The following CFAP251 variants were observed in gnomAD, a reference collection of about 807,000 sequenced individuals.
CFAP251 encodes the protein cilia and flagella associated protein 251, also known as cilia- and flagella-associated protein 251.
A neutral mutation model predicts 126.7 loss-of-function variants in CFAP251; 93 were observed. That is an observed-to-expected ratio of 0.73 (90% CI 0.62 to 0.87). The LOEUF (loss-of-function observed/expected upper bound fraction) is 0.87. CFAP251 is among the 40% of genes least tolerant of loss of function. The pLI is 0.00. For missense variants in CFAP251, 1,287 were observed against 1,389.2 expected (o/e 0.93, Z 1.17); for synonymous variants, 503 against 506.9 (o/e 0.99, Z 0.10).
chr12:121,965,596 G>A (rs1882092968), intron 15 of CFAP251, among the ~76,000 whole-genome samples: 1 of 151,974 alleles, frequency 6.6e-6, no homozygotes, highest in Non-Finnish European at 1.5e-5. Context: ...GAAAAAAAAA[G>A]GAAGAGTAAG....
chr12:121,925,862 T>C (rs939394238), intron 3 of CFAP251, among the ~76,000 whole-genome samples: 1 of 152,098 alleles, frequency 6.6e-6, no homozygotes, highest in African/African-American at 2.4e-5. Flanking sequence ...ATTTATTTTT[T>C]GAGGTGGAGT....
At chr12:121,928,704 A>ATATATTT in intron 3 of CFAP251, among the ~76,000 whole-genome samples, 1 of 60,350 alleles carries the variant, frequency 1.7e-5, no homozygotes, top group African/African-American at 4.0e-5. Context: ...ATATATATAT[A>ATATATTT]TTTTTTTTTT....
At chr12:121,993,830 G>T (rs1338176344) in intron 19 of CFAP251, among the ~76,000 whole-genome samples, 1 of 112,308 alleles carries the variant, frequency 8.9e-6, no homozygotes, top group Non-Finnish European at 1.9e-5. Flanking sequence ...CAGCCGCCCC[G>T]TCCGGGAGGG....
rs1268024265 is a variant in CFAP251 at position 121,921,812 on chromosome 12, CAG to C, written c.378+132_378+133del. 10 of 624,308 alleles carry C rather than the reference CAG, an allele frequency of 1.6e-5. No homozygotes were observed. The African/African-American group carries it at 2.5e-4, about 16-fold the overall frequency. 38.7% of individuals were successfully genotyped at this position (624,308 alleles called of 1,614,324 possible). ...CATTCCTTTTTTTTTTTTTTTGAGA[CAG>C]AGTCTCACTGTTGCCCAGGCTGGAG... On this transcript the variant is annotated intron_variant, in intron 2 of 21. Transcript: ENST00000288912.
intron 4 of CFAP251, among the ~76,000 whole-genome samples, chr12:121,933,939 G>T (rs1880789903): frequency 6.6e-6 from 1 of 152,198 alleles, no homozygotes; most frequent in African/African-American, 2.4e-5. Context: ...ACTCAGAGTG[G>T]CTGGGGGAGG....
intron 5 of CFAP251, among the ~76,000 whole-genome samples, chr12:121,940,892 C>A (rs190787176): frequency 1.2e-3 from 187 of 152,294 alleles, no homozygotes; most frequent in Middle Eastern, 3.4e-3. Context: ...TACATACACA[C>A]GCACACACAC....
intron 5 of CFAP251, among the ~76,000 whole-genome samples, chr12:121,934,697 C>T (rs1880821472): frequency 1.3e-5 from 2 of 152,134 alleles, no homozygotes; most frequent in South Asian, 2.1e-4. Flanking sequence ...TGGATATGTT[C>T]GATTTCGATC....
chr12:121,930,748 CTTTTTTTTTT>C (rs72062810), intron 3 of CFAP251, among the ~76,000 whole-genome samples: 1 of 109,884 alleles, frequency 9.1e-6, no homozygotes, highest in Non-Finnish European at 2.0e-5. Flanking sequence ...AATTGCCTTT[CTTTTTTTTTT>C]TTTTTTTTGA....
intron 4 of CFAP251, among the ~76,000 whole-genome samples, 183 bp from the exon 5 acceptor site, chr12:121,934,064 G>A (rs556580418): frequency 6.6e-6 from 1 of 152,126 alleles, no homozygotes; most frequent in Non-Finnish European, 1.5e-5. Context: ...GGGAGAGGAA[G>A]TTTGAAAATC....
intron 19 of CFAP251, among the ~76,000 whole-genome samples, chr12:121,991,854 G>A (rs1882882026): frequency 6.6e-6 from 1 of 152,148 alleles, no homozygotes; most frequent in Non-Finnish European, 1.5e-5. Flanking sequence ...TTAGCCAGCT[G>A]TGGTGGCGCG....
At chr12:121,967,529 C>T (rs2620353) in intron 16 of CFAP251, among the ~76,000 whole-genome samples, 133,175 of 151,982 alleles carry the variant, frequency 0.88, 58,512 homozygotes, top group African/African-American at 0.94. Context: ...GGTGAAACCC[C>T]GTCTCTACTA....
At chr12:121,926,837 G>A (rs1592962086) in intron 3 of CFAP251, among the ~76,000 whole-genome samples, 2 of 152,140 alleles carry the variant, frequency 1.3e-5, no homozygotes, top group East Asian at 3.9e-4. Context: ...CAGCTACTTA[G>A]GAGACTGAGC....
intron 11 of CFAP251, among the ~76,000 whole-genome samples, chr12:121,957,703 C>CAAAAAA (rs11416000): frequency 9.0e-6 from 1 of 110,978 alleles, no homozygotes; most frequent in African/African-American, 3.5e-5. Context: ...GACTCTGTCT[C>CAAAAAA]AAAAAAAAAA....
rs776824516 is a variant in CFAP251 at position 121,946,490 on chromosome 12, A to G, written c.1192-2494A>G. On this transcript the variant is annotated intron_variant, in intron 7 of 21. Transcript: ENST00000288912. The stretch of plus-strand genomic sequence containing the variant: ...CTTCTGGTTTCTACCATTTCTGTTG[A>G]AAAGTCAGCTGTCGATCCCTATTTT... Among the ~76,000 whole-genome samples, 55 of 152,196 alleles carry G rather than the reference A, an allele frequency of 3.6e-4. 1 individual carries two copies. Among genetic ancestry groups the G allele is most frequent in the East Asian group, 1.9e-4 (1 of 5,206 alleles).
chr12:121,960,793 A>G (rs2135784720), intron 14 of CFAP251, 35 bp downstream of exon 14: 2 of 1,608,860 alleles, frequency 1.2e-6, no homozygotes, highest in Non-Finnish European at 1.7e-6. Flanking sequence ...CTGGTCGCCA[A>G]GACTGTGTCT....
intron 1 of CFAP251, 56 bp from the exon 2 acceptor site, chr12:121,921,230 G>A (rs1880156713): frequency 4.6e-6 from 7 of 1,510,176 alleles, no homozygotes; most frequent in Non-Finnish European, 6.2e-6. Flanking sequence ...AGTGCACTAG[G>A]AGATGGAAAT....
At chr12:121,920,704 G>A (rs986138417) in intron 1 of CFAP251, among the ~76,000 whole-genome samples, 3 of 151,770 alleles carry the variant, frequency 2.0e-5, no homozygotes, top group Non-Finnish European at 4.4e-5. Flanking sequence ...CCAACTTTTT[G>A]TATTTTTAGT....
At chr12:121,947,263 C>T (rs1461886959) in intron 7 of CFAP251, among the ~76,000 whole-genome samples, 1 of 152,222 alleles carries the variant, frequency 6.6e-6, no homozygotes, top group South Asian at 2.1e-4. Flanking sequence ...CATTTTAAAT[C>T]ATTTTTTCAG....
intron 17 of CFAP251, among the ~76,000 whole-genome samples, 193 bp downstream of exon 17, chr12:121,968,362 A>G (rs1882221719): frequency 6.6e-6 from 1 of 152,122 alleles, no homozygotes; most frequent in Non-Finnish European, 1.5e-5. Context: ...CCATGGACCA[A>G]TGGTGTTTGC....
Sources: allele counts gnomAD v4.1 joint callset (sites outside exome capture counted in the v4.1 genomes callset), GRCh38; gene constraint gnomAD v4.1.1; transcripts MANE v1.5; gene names NCBI Gene and HGNC (gene_info 2026-07-23, HGNC 2026-07-21).